The following MYRIP variants were observed in gnomAD, a reference collection of about 807,000 sequenced individuals.
MYRIP encodes the protein rab effector MyRIP.
MYRIP carries 49 observed loss-of-function variants against 98.0 expected under a neutral mutation model. The ratio of observed to expected loss-of-function variants is 0.50; its 90% CI spans 0.40 to 0.63. MYRIP has a LOEUF of 0.63. Ranked by LOEUF, MYRIP falls within the 30% of genes least tolerant of loss-of-function variation. MYRIP has a pLI of 0.00. For synonymous variants in MYRIP, 404 were observed against 409.5 expected, an observed-to-expected ratio of 0.99 and a Z score of 0.16; for missense variants, 1,004 against 1,058.2, an observed-to-expected ratio of 0.95 and a Z score of 0.71.
intron 8 of MYRIP, chr3:40,173,065 T>A (rs1376530009): frequency 6.6e-6 from 1 of 152,084 alleles, no homozygotes; most frequent in Non-Finnish European, 1.5e-5. Context: ...GGGAAGGGGG[T>A]CATCACAAAA....
intron 3 of MYRIP, among the ~76,000 whole-genome samples, chr3:40,138,576 C>T (rs1949830219): frequency 6.6e-6 from 1 of 152,182 alleles, no homozygotes; most frequent in Non-Finnish European, 1.5e-5. Flanking sequence ...TTTATACCAG[C>T]TTTCTCTTTC....
intron 5 of MYRIP, among the ~76,000 whole-genome samples, chr3:40,165,133 T>C (rs1259516160): frequency 3.9e-5 from 6 of 152,228 alleles, no homozygotes; most frequent in Non-Finnish European, 8.8e-5. Context: ...GCTCTTAGTG[T>C]GATGACAACT....
chr3:40,212,704 C>T (rs1951998032), intron 11 of MYRIP, among the ~76,000 whole-genome samples: 1 of 152,108 alleles, frequency 6.6e-6, no homozygotes, highest in Non-Finnish European at 1.5e-5. Flanking sequence ...TGAGGCTCAT[C>T]ACTGGACTCC....
chr3:40,070,786 C>A (rs1475532005), intron 3 of MYRIP, among the ~76,000 whole-genome samples: 2 of 152,190 alleles, frequency 1.3e-5, no homozygotes, highest in Non-Finnish European at 2.9e-5. Flanking sequence ...GGGACTGCTG[C>A]TTTTGATGAT....
chr3:39,888,615 A>C (rs1184097773), intron 1 of MYRIP, among the ~76,000 whole-genome samples: 2 of 152,244 alleles, frequency 1.3e-5, no homozygotes, highest in Non-Finnish European at 2.9e-5. Context: ...GGACATACGC[A>C]TGAGCAAGGA....
intron 10 of MYRIP, among the ~76,000 whole-genome samples, chr3:40,201,450 T>C (rs1180558243): frequency 6.6e-6 from 1 of 152,148 alleles, no homozygotes; most frequent in Non-Finnish European, 1.5e-5. Flanking sequence ...TCAGAAATCA[T>C]GGAATCTATA....
chr3:39,965,637 G>A (rs1351135761), intron 2 of MYRIP, among the ~76,000 whole-genome samples: 1 of 152,064 alleles, frequency 6.6e-6, no homozygotes, highest in Non-Finnish European at 1.5e-5. Context: ...CATGAGTCAG[G>A]TCATCAGAAA....
chr3:40,165,813 G>A (rs529527525), intron 5 of MYRIP, among the ~76,000 whole-genome samples: 36 of 150,754 alleles, frequency 2.4e-4, no homozygotes, highest in African/African-American at 8.5e-4. Flanking sequence ...TTTTAATCAC[G>A]TTAGCTTGTA....
rs777006343 is a variant in MYRIP, at chr3:40,189,887, A to G, written c.1089A>G (p.Pro363=). 2 of 1,613,116 alleles carry G rather than the reference A, an allele frequency of 1.2e-6. No individual in the cohort carries two copies. Among genetic ancestry groups the G allele is most frequent in the African/African-American group, 2.7e-5 (2 of 74,574 alleles). ...GNWVALKDGA[P]PPTRLLAKPK... ...GGGTGGCCCTGAAGGATGGCGCTCC[A>G]CCCCCCACCCGACTACTGGCCAAAC... Residue 363 remains proline (P), a synonymous_variant, in exon 10 of 17, where the codon CCA becomes CCG. Coordinates refer to ENST00000302541, the MANE Select transcript of MYRIP (RefSeq NM_015460.4).
At chr3:40,023,884 C>T (rs1947061172) in intron 2 of MYRIP, among the ~76,000 whole-genome samples, 1 of 152,072 alleles carries the variant, frequency 6.6e-6, no homozygotes, top group Non-Finnish European at 1.5e-5. Flanking sequence ...AGTGTGTGCC[C>T]ATTTTCACAG....
At chr3:40,255,155 A>G (rs1382688897) in intron 16 of MYRIP, among the ~76,000 whole-genome samples, 5 of 152,210 alleles carry the variant, frequency 3.3e-5, no homozygotes, top group Non-Finnish European at 5.9e-5. Context: ...GAGCGGAAAA[A>G]GATGCATTAT....
chr3:40,150,688 C>T (rs1367152891), intron 3 of MYRIP, among the ~76,000 whole-genome samples: 1 of 152,168 alleles, frequency 6.6e-6, no homozygotes, highest in Non-Finnish European at 1.5e-5. Flanking sequence ...CATGTGTCTC[C>T]AGTCAAACTA....
chr3:40,207,602 A>G (rs766404261), intron 10 of MYRIP, among the ~76,000 whole-genome samples: 5 of 152,216 alleles, frequency 3.3e-5, no homozygotes, highest in Non-Finnish European at 5.9e-5. Context: ...CTCAAGTAAA[A>G]TTGATACACA....
intron 2 of MYRIP, among the ~76,000 whole-genome samples, chr3:39,997,802 G>A (rs187707924): frequency 3.0e-4 from 46 of 152,076 alleles, no homozygotes; most frequent in Non-Finnish European, 5.4e-4. Flanking sequence ...ACTGGCAAAC[G>A]AAATCCAGCA....
intron 1 of MYRIP, among the ~76,000 whole-genome samples, chr3:39,839,345 C>T (rs980504802): frequency 1.3e-5 from 2 of 151,952 alleles, no homozygotes; most frequent in African/African-American, 4.8e-5. Context: ...GCAACCTCCG[C>T]CTCCCAGGTT....
chr3:40,166,711 G>A (rs1014395877), intron 5 of MYRIP, 135 bp from the exon 6 acceptor site: 7 of 625,896 alleles, frequency 1.1e-5, no homozygotes, highest in African/African-American at 1.8e-5. Flanking sequence ...TGGGAAGGGC[G>A]AGGGCTTTGT....
In MYRIP at chr3:40,167,230, C is replaced by G. The variant is rs1045530607; in HGVS notation, c.720C>G (p.Ile240Met). The G allele has an allele frequency of 4.3e-6, 7 of 1,614,048 alleles. No homozygotes were observed. In the African/African-American group the frequency reaches 6.7e-5, roughly 15 times the overall value. The change falls in exon 7 of 17, where the codon ATC becomes ATG. Residue 240 changes from isoleucine to methionine, a missense_variant. Physicochemically the swap from Ile to Met is conservative, Grantham distance 10. Around this residue, in one of 3 missense-constraint regions of MYRIP, gnomAD observed 880 missense variants for 907.7 expected, o/e 0.97. Coordinates refer to ENST00000302541, the MANE Select transcript of MYRIP (RefSeq NM_015460.4). ...EELTEELATT[I>M]LQKIIRKQKS... Reference sequence around the variant, plus strand: ...TAACTGAGGAACTGGCCACGACAATCCTGCAGAAGGTAGGTGGGTCCTGGC... The same window carrying G: ...TAACTGAGGAACTGGCCACGACAATGCTGCAGAAGGTAGGTGGGTCCTGGC...
At chr3:40,115,672 A>G (rs969084704) in intron 3 of MYRIP, among the ~76,000 whole-genome samples, 7 of 152,188 alleles carry the variant, frequency 4.6e-5, no homozygotes, top group African/African-American at 1.7e-4. Flanking sequence ...CAACCTTTAA[A>G]ATATGGTATT....
At chr3:40,097,592 T>C (rs116217856) in intron 3 of MYRIP, among the ~76,000 whole-genome samples, 37 of 151,990 alleles carry the variant, frequency 2.4e-4, no homozygotes, top group African/African-American at 7.7e-4. Context: ...ATGGGTAATG[T>C]TAAAATAAAA....
Sources: allele counts gnomAD v4.1 joint callset (sites outside exome capture counted in the v4.1 genomes callset), GRCh38; gene constraint gnomAD v4.1.1; regional missense constraint gnomAD v4.1.1; transcripts MANE v1.5; gene names NCBI Gene and HGNC (gene_info 2026-07-23, HGNC 2026-07-21).